Variants in MCC observed in about 807,000 individuals in gnomAD.
MCC encodes colorectal mutant cancer protein.
A neutral mutation model predicts 116.2 loss-of-function variants in MCC; 90 were observed. The observed-to-expected ratio is 0.77, with a 90% CI of 0.65 to 0.92. The LOEUF is 0.92. Ranked by LOEUF, MCC falls within the 40% of genes least tolerant of loss-of-function variation. MCC has a pLI of 0.00. For missense variants in MCC, 1,516 were observed against 1,312.2 expected, an observed-to-expected ratio of 1.16 and a Z score of -2.40; for synonymous variants, 578 against 510.5, an observed-to-expected ratio of 1.13 and a Z score of -1.78.
intron 1 of MCC, chr5:113,437,285 G>C (rs1055487659): frequency 2.6e-5 from 4 of 152,154 alleles, no homozygotes; most frequent in African/African-American, 9.7e-5. Flanking sequence ...CTTGCAAATT[G>C]GGCTTTCTCA....
intron 1 of MCC, among the ~76,000 whole-genome samples, chr5:113,391,524 G>A (rs966514538): frequency 5.3e-5 from 8 of 152,154 alleles, no homozygotes; most frequent in Admixed American, 3.3e-4. Context: ...AAACTAGCCC[G>A]GGCAACAAAG....
chr5:113,334,905 T>TA (rs967975133), intron 3 of MCC, among the ~76,000 whole-genome samples: 14 of 151,640 alleles, frequency 9.2e-5, no homozygotes, highest in Non-Finnish European at 1.9e-4. Context: ...TTCTGAATTT[T>TA]AAAAAAATCA....
rs902084202 is a variant in MCC at position 113,210,107 on chromosome 5, C to T, written c.628-58685G>A. On this transcript the variant is annotated intron_variant, in intron 3 of 18. Coordinates refer to ENST00000408903, the MANE Select transcript of MCC (RefSeq NM_001085377.2). ...ACATTCATTAGGCTCTTGTAGCACA[C>T]ATTTGACATTAGCACAGGGATAAAG... Among the ~76,000 whole-genome samples, 6 of 152,260 alleles carry T rather than the reference C, an allele frequency of 3.9e-5. No homozygotes were observed. The South Asian group carries it at 6.2e-4, about 16-fold the overall frequency.
chr5:113,111,326 A>G (rs1456608496), intron 6 of MCC, among the ~76,000 whole-genome samples: 3 of 152,066 alleles, frequency 2.0e-5, no homozygotes, highest in Non-Finnish European at 2.9e-5. Context: ...AGTTTCCCCT[A>G]CACCCCAAAG....
At chr5:113,192,005 G>A (rs945739553) in intron 3 of MCC, among the ~76,000 whole-genome samples, 5 of 152,174 alleles carry the variant, frequency 3.3e-5, no homozygotes, top group East Asian at 1.9e-4. Context: ...TCTTTATGAC[G>A]TATGCAAGAC....
chr5:113,424,101 G>A (rs2150408247), intron 1 of MCC, among the ~76,000 whole-genome samples: 1 of 138,228 alleles, frequency 7.2e-6, no homozygotes, highest in East Asian at 2.3e-4. Flanking sequence ...ATCATCCTAC[G>A]GTTAATCCCA....
At chr5:113,069,159 C>A (rs1045118020) in intron 12 of MCC, among the ~76,000 whole-genome samples, 1 of 152,206 alleles carries the variant, frequency 6.6e-6, no homozygotes, top group Admixed American at 6.5e-5. Context: ...CCATATTGGG[C>A]AGTGCATGTA....
intron 1 of MCC, among the ~76,000 whole-genome samples, chr5:113,466,378 C>T (rs1229421116): frequency 2.1e-5 from 3 of 144,304 alleles, no homozygotes; most frequent in South Asian, 2.3e-4. Flanking sequence ...GTTCCCCTTC[C>T]TGTGTCCATG....
chr5:113,034,063 CT>C (rs35834150), intron 17 of MCC, among the ~76,000 whole-genome samples: 2,342 of 136,248 alleles, frequency 0.017, 53 homozygotes, highest in African/African-American at 0.057. Context: ...ATTTTTAAAA[CT>C]TTTTTTTTTT....
At chr5:113,219,894 T>A (rs1450723785) in intron 3 of MCC, among the ~76,000 whole-genome samples, 1 of 151,672 alleles carries the variant, frequency 6.6e-6, no homozygotes, top group East Asian at 1.9e-4. Context: ...CCCAACCAAC[T>A]TGGTACAAAT....
intron 2 of MCC, among the ~76,000 whole-genome samples, chr5:113,357,761 T>C (rs1032181708): frequency 5.3e-5 from 8 of 152,146 alleles, no homozygotes; most frequent in African/African-American, 1.7e-4. Context: ...AAATACACTA[T>C]GCTTGCAGCC....
chr5:113,261,854 A>C (rs1765231437), intron 3 of MCC, among the ~76,000 whole-genome samples: 1 of 152,172 alleles, frequency 6.6e-6, no homozygotes, highest in Admixed American at 6.5e-5. Flanking sequence ...CATTTTTGCT[A>C]ATCACTTTCT....
At chr5:113,147,683 G>A (rs370490775) in intron 4 of MCC, among the ~76,000 whole-genome samples, 5 of 152,070 alleles carry the variant, frequency 3.3e-5, no homozygotes, top group African/African-American at 9.7e-5. Context: ...GCCCAGGTTC[G>A]CTCGCTAAGG....
chr5:113,033,654 AGT>A (rs1751116485), intron 17 of MCC, among the ~76,000 whole-genome samples: 1 of 152,204 alleles, frequency 6.6e-6, no homozygotes, highest in Non-Finnish European at 1.5e-5. Flanking sequence ...GTATTCATAC[AGT>A]GTTTCCTGGA....
At chr5:113,229,696 T>C (rs1364282735) in intron 3 of MCC, among the ~76,000 whole-genome samples, 3 of 152,182 alleles carry the variant, frequency 2.0e-5, no homozygotes, top group South Asian at 2.1e-4. Context: ...AAGATTGTAA[T>C]ACCACATTTT....
intron 3 of MCC, among the ~76,000 whole-genome samples, chr5:113,203,596 C>CGTG (rs1394736196): frequency 1.3e-5 from 2 of 152,118 alleles, no homozygotes; most frequent in Non-Finnish European, 2.9e-5. Flanking sequence ...GATCACTTGG[C>CGTG]GTGATTATTT....
At chr5:113,214,063 C>T (rs540330464) in intron 3 of MCC, among the ~76,000 whole-genome samples, 2 of 152,184 alleles carry the variant, frequency 1.3e-5, no homozygotes, top group South Asian at 4.2e-4. Flanking sequence ...TCTCATTTCC[C>T]TCCTCCCACC....
chr5:113,366,379 T>C (rs779427667), intron 2 of MCC, among the ~76,000 whole-genome samples: 4 of 152,202 alleles, frequency 2.6e-5, no homozygotes, highest in South Asian at 2.1e-4. Context: ...TACTAAGTAA[T>C]TGTAGAAACT....
At chr5:113,341,433 C>T (rs1226550756) in intron 2 of MCC, among the ~76,000 whole-genome samples, 2 of 152,112 alleles carry the variant, frequency 1.3e-5, no homozygotes, top group Non-Finnish European at 2.9e-5. Flanking sequence ...AATCCTCCTG[C>T]CTTGGCCTCC....
Sources: gnomAD v4.1 joint callset for allele counts (sites outside exome capture counted in the v4.1 genomes callset) on GRCh38, gnomAD v4.1.1 for gene constraint, MANE v1.5 for transcripts, NCBI Gene and HGNC (gene_info 2026-07-23, HGNC 2026-07-21) for gene names.